The following COX10 variants were observed in gnomAD, a reference collection of about 807,000 sequenced individuals.
COX10 encodes the protein cytochrome c oxidase assembly factor heme A:farnesyltransferase COX10.
COX10 carries 27 observed loss-of-function variants against 37.3 expected under a neutral mutation model. The ratio of observed to expected loss-of-function variants is 0.72; its 90% CI spans 0.53 to 1.00. The LOEUF (loss-of-function observed/expected upper bound fraction) is 1.00, where lower values mean the gene tolerates loss of function less well. Among genes scored for constraint, COX10 ranks in the 50% least tolerant of loss-of-function variants. The pLI is 0.00. For missense variants in COX10, 475 were observed against 563.2 expected (o/e 0.84, Z 1.59); for synonymous variants, 222 against 229.1 (o/e 0.97, Z 0.28).
At chr17:14,113,065 A>C (rs998703148) in intron 4 of COX10, among the ~76,000 whole-genome samples, 2 of 152,124 alleles carry the variant, frequency 1.3e-5, no homozygotes, top group Admixed American at 1.3e-4. Flanking sequence ...GCATGATCTG[A>C]TTCTTCTCAA....
intron 5 of COX10, among the ~76,000 whole-genome samples, chr17:14,185,969 T>C (rs558273114): frequency 1.4e-4 from 21 of 152,154 alleles, no homozygotes; most frequent in Admixed American, 5.9e-4. Context: ...GCTTCTAATG[T>C]GCTCCACCAG....
intron 6 of COX10, among the ~76,000 whole-genome samples, chr17:14,195,407 T>A (rs1207046176): frequency 6.6e-6 from 1 of 152,216 alleles, no homozygotes; most frequent in African/African-American, 2.4e-5. Flanking sequence ...GCTATTTAAA[T>A]TTAAATTTAT....
chr17:14,198,183 G>C (rs1002351968), intron 6 of COX10, among the ~76,000 whole-genome samples: 3 of 152,132 alleles, frequency 2.0e-5, no homozygotes, highest in African/African-American at 7.2e-5. Context: ...CTGGAGCCGC[G>C]GTGAAGGAGT....
intron 4 of COX10, among the ~76,000 whole-genome samples, chr17:14,141,529 CAAAAAAAA>C (rs71147842): frequency 8.9e-5 from 6 of 67,508 alleles, no homozygotes; most frequent in Non-Finnish European, 1.3e-4. Context: ...GTCCCTGTCT[CAAAAAAAA>C]AAAAAAAAAA....
At chr17:14,128,189 A>G (rs1916387083) in intron 4 of COX10, among the ~76,000 whole-genome samples, 1 of 152,150 alleles carries the variant, frequency 6.6e-6, no homozygotes, top group Non-Finnish European at 1.5e-5. Flanking sequence ...AAGCTTATAC[A>G]TGAAAGGATT....
chr17:14,081,632 C>T (rs1186080815), intron 3 of COX10, among the ~76,000 whole-genome samples: 1 of 152,164 alleles, frequency 6.6e-6, no homozygotes, highest in Admixed American at 6.5e-5. Flanking sequence ...TATAATCTCA[C>T]CGGCCTCAGT....
intron 4 of COX10, among the ~76,000 whole-genome samples, chr17:14,119,124 C>T (rs754265227): frequency 2.0e-5 from 3 of 151,960 alleles, no homozygotes; most frequent in Non-Finnish European, 4.4e-5. Flanking sequence ...TACATTCAGT[C>T]GCAGTATTTG....
intron 4 of COX10, among the ~76,000 whole-genome samples, chr17:14,121,953 G>A (rs751956206): frequency 5.7e-4 from 86 of 152,108 alleles, no homozygotes; most frequent in African/African-American, 2.0e-3. Context: ...GTGTGGAGAG[G>A]CCTAGAATGT....
intron 3 of COX10, among the ~76,000 whole-genome samples, chr17:14,098,472 G>A (rs9904926): frequency 0.88 from 133,697 of 152,144 alleles, 58,916 homozygotes; most frequent in East Asian, 0.98. Context: ...AAAAAAAATG[G>A]CTCTTGTTCT....
At chr17:14,203,228 CATATATAAATTTTA>C (rs1382033018) in intron 6 of COX10, among the ~76,000 whole-genome samples, 1 of 151,740 alleles carries the variant, frequency 6.6e-6, no homozygotes, top group African/African-American at 2.4e-5. Context: ...AAGATTTATA[CATATATAAATTTTA>C]TATATATATG....
intron 6 of COX10, among the ~76,000 whole-genome samples, chr17:14,204,343 C>T (rs1314898920): frequency 6.6e-6 from 1 of 151,890 alleles, no homozygotes; most frequent in African/African-American, 2.4e-5. Flanking sequence ...TGAACACACC[C>T]AAGGTCACAC....
intron 5 of COX10, among the ~76,000 whole-genome samples, chr17:14,165,348 C>T (rs1016643333): frequency 1.3e-5 from 2 of 152,144 alleles, no homozygotes; most frequent in Non-Finnish European, 2.9e-5. Context: ...CTCTGTGTCA[C>T]ACTTTGATAA....
intron 6 of COX10, among the ~76,000 whole-genome samples, chr17:14,199,599 G>A (rs751171625): frequency 2.0e-5 from 3 of 152,104 alleles, no homozygotes; most frequent in Non-Finnish European, 2.9e-5. Flanking sequence ...GCTCCCTCCC[G>A]CCCACTGAGC....
At position 14,144,531 on chromosome 17, in the gene COX10, T is replaced by G. The variant is rs571727049; in HGVS notation, c.625-15346T>G. On this transcript the variant is annotated intron_variant, in intron 4 of 6. Coordinates refer to ENST00000261643, the MANE Select transcript of COX10 (RefSeq NM_001303.4). ...TCCTAGTTTGAAAGGTGTTTGGTTT[T>G]CTTTTAATTTTGCAACCTAAATAGT... 1.1e-3 allele frequency among the ~76,000 whole-genome samples: 163 copies of G among 152,342 alleles called. 2 individuals carry two copies. The South Asian group carries it at 0.032, about 30-fold the overall frequency.
At chr17:14,102,556 A>T (rs377617839) in intron 4 of COX10, among the ~76,000 whole-genome samples, 1 of 152,170 alleles carries the variant, frequency 6.6e-6, no homozygotes, top group African/African-American at 2.4e-5. Flanking sequence ...CATTTCAGAT[A>T]CATTTCCCTG....
intron 3 of COX10, among the ~76,000 whole-genome samples, chr17:14,099,353 T>C (rs1490734769): frequency 1.3e-5 from 2 of 152,140 alleles, no homozygotes; most frequent in African/African-American, 4.8e-5. Flanking sequence ...TTTAGCAATA[T>C]CAAGAAATCC....
chr17:14,197,712 G>A (rs2856177), intron 6 of COX10, among the ~76,000 whole-genome samples: 84,915 of 149,180 alleles, frequency 0.57, 23,978 homozygotes, highest in East Asian at 0.6. Context: ...TTTTCTCCCC[G>A]TCACAGTGCC....
chr17:14,201,525 A>T (rs1465341919), intron 6 of COX10, among the ~76,000 whole-genome samples: 1 of 152,190 alleles, frequency 6.6e-6, no homozygotes, highest in Non-Finnish European at 1.5e-5. Flanking sequence ...TACTGAAAAA[A>T]GTGTATTGAG....
At chr17:14,075,435 C>T (rs1915119666) in intron 2 of COX10, among the ~76,000 whole-genome samples, 1 of 152,132 alleles carries the variant, frequency 6.6e-6, no homozygotes, top group African/African-American at 2.4e-5. Flanking sequence ...CCATGCCTGC[C>T]TATAGCTGGT....
Sources: gnomAD v4.1 joint callset for allele counts (sites outside exome capture counted in the v4.1 genomes callset) on GRCh38, gnomAD v4.1.1 for gene constraint, MANE v1.5 for transcripts, NCBI Gene and HGNC (gene_info 2026-07-23, HGNC 2026-07-21) for gene names.